The following TACR3 variants were observed in gnomAD, a reference collection of about 807,000 sequenced individuals.
TACR3 encodes tachykinin receptor 3, also known as neuromedin-K receptor.
Under a neutral mutation model 35.0 loss-of-function variants are expected in TACR3, and 34 were observed. That is an observed-to-expected ratio of 0.97 (90% confidence interval 0.74 to 1.30). The LOEUF (loss-of-function observed/expected upper bound fraction) is 1.30, where lower values mean the gene tolerates loss of function less well. TACR3 is among the 50% of genes most tolerant of loss of function. The probability of loss-of-function intolerance (pLI) is 0.00; values close to 1 mark genes in which losing one functional copy is unlikely to be tolerated. For missense variants in TACR3, 558 were observed against 591.7 expected, an observed-to-expected ratio of 0.94 and a Z score of 0.59; for synonymous variants, 233 against 221.1, an observed-to-expected ratio of 1.05 and a Z score of -0.48.
At chr4:103,615,395 G>GTA (rs1724626868) in intron 3 of TACR3, among the ~76,000 whole-genome samples, 1 of 97,288 alleles carries the variant, frequency 1.0e-5, no homozygotes, top group Non-Finnish European at 2.2e-5. Context: ...GTGTGTGTGT[G>GTA]TGTGAGAGAG....
At chr4:103,648,137 G>A (rs1215128336) in intron 3 of TACR3, among the ~76,000 whole-genome samples, 1 of 151,862 alleles carries the variant, frequency 6.6e-6, no homozygotes, top group Admixed American at 6.6e-5. Context: ...GTAATTGGGA[G>A]TTCAATCAGC....
intron 3 of TACR3, among the ~76,000 whole-genome samples, chr4:103,623,557 T>C (rs929538652): frequency 2.0e-5 from 3 of 152,170 alleles, no homozygotes; most frequent in Admixed American, 6.5e-5. Context: ...TTTTAGGTTA[T>C]GAGACTTAAG....
At chr4:103,639,643 A>G (rs1423673598) in intron 3 of TACR3, among the ~76,000 whole-genome samples, 1 of 152,036 alleles carries the variant, frequency 6.6e-6, no homozygotes, top group Admixed American at 6.6e-5. Flanking sequence ...AAAAATGTAA[A>G]GAAATACTTT....
intron 1 of TACR3, among the ~76,000 whole-genome samples, chr4:103,712,365 A>C (rs1255170195): frequency 3.3e-5 from 5 of 152,314 alleles, no homozygotes; most frequent in South Asian, 2.1e-4. Context: ...CAAAAACAAG[A>C]AATGGGGAAA....
intron 3 of TACR3, among the ~76,000 whole-genome samples, chr4:103,595,745 AATT>A (rs1723992463): frequency 6.6e-6 from 1 of 151,674 alleles, no homozygotes; most frequent in East Asian, 1.9e-4. Context: ...ATTATCTTCT[AATT>A]ATTTTATTTT....
At chr4:103,712,790 C>T (rs1031852196) in intron 1 of TACR3, among the ~76,000 whole-genome samples, 1 of 152,138 alleles carries the variant, frequency 6.6e-6, no homozygotes, top group African/African-American at 2.4e-5. Flanking sequence ...AAAAAACAAA[C>T]AGCCCCATCA....
chr4:103,660,949 A>C (rs1725828660), intron 1 of TACR3, among the ~76,000 whole-genome samples: 2 of 152,046 alleles, frequency 1.3e-5, no homozygotes, highest in Non-Finnish European at 2.9e-5. Flanking sequence ...CAACCACAGA[A>C]TAATACTATT....
intron 3 of TACR3, among the ~76,000 whole-genome samples, chr4:103,652,403 C>G (rs922003807): frequency 6.6e-6 from 1 of 152,060 alleles, no homozygotes; most frequent in African/African-American, 2.4e-5. Context: ...CCTTTCTCTC[C>G]CAAGGGCAAA....
chr4:103,601,225 T>C (rs912801404), intron 3 of TACR3, among the ~76,000 whole-genome samples: 1 of 151,658 alleles, frequency 6.6e-6, no homozygotes, highest in African/African-American at 2.4e-5. Flanking sequence ...CCTTTTTTTG[T>C]TTTCCATTTG....
chr4:103,671,133 C>T (rs1300910829), intron 1 of TACR3, among the ~76,000 whole-genome samples: 9 of 151,822 alleles, frequency 5.9e-5, no homozygotes, highest in African/African-American at 1.9e-4. Context: ...ATGTGAATCT[C>T]ACCTGATCAT....
chr4:103,616,575 T>C lies in TACR3; in HGVS notation c.889-24892A>G, dbSNP rs180800900. ...TTTTCCCAGGTGTATGCTTAAATGCTATGCCTAAAATTAAAAGATTAAAAG... is the reference window on the plus strand; with the variant it reads ...TTTTCCCAGGTGTATGCTTAAATGCCATGCCTAAAATTAAAAGATTAAAAG... On this transcript the variant is annotated intron_variant, in intron 3 of 4. Transcript: ENST00000304883. Among the ~76,000 whole-genome samples the C allele has an allele frequency of 8.4e-4, 124 of 148,410 alleles. 1 individual carries two copies. Among genetic ancestry groups the C allele is most frequent in the Non-Finnish European group, 1.4e-3 (92 of 67,206 alleles).
intron 3 of TACR3, among the ~76,000 whole-genome samples, chr4:103,602,949 A>C (rs183573730): frequency 1.6e-4 from 24 of 152,352 alleles, no homozygotes; most frequent in African/African-American, 5.5e-4. Context: ...TGCAGAGGTT[A>C]CTGCTGTCTT....
At chr4:103,629,514 A>G (rs1434297244) in intron 3 of TACR3, among the ~76,000 whole-genome samples, 3 of 152,210 alleles carry the variant, frequency 2.0e-5, no homozygotes, top group African/African-American at 7.2e-5. Flanking sequence ...ACAGAGATCC[A>G]AATCATGAGT....
intron 1 of TACR3, among the ~76,000 whole-genome samples, chr4:103,662,623 A>G (rs1725856186): frequency 6.6e-6 from 1 of 152,198 alleles, no homozygotes; most frequent in African/African-American, 2.4e-5. Flanking sequence ...TTCTTTACAT[A>G]GGTAATTGGG....
At chr4:103,643,884 G>A (rs1350289893) in intron 3 of TACR3, among the ~76,000 whole-genome samples, 1 of 151,696 alleles carries the variant, frequency 6.6e-6, no homozygotes, top group Non-Finnish European at 1.5e-5. Flanking sequence ...TGCAGAATGA[G>A]TAGTATTAAC....
intron 3 of TACR3, among the ~76,000 whole-genome samples, chr4:103,592,790 T>G (rs535902349): frequency 6.6e-6 from 1 of 152,234 alleles, no homozygotes; most frequent in African/African-American, 2.4e-5. Flanking sequence ...GACTGCAAAT[T>G]AGGGATTCAG....
intron 2 of TACR3, among the ~76,000 whole-genome samples, chr4:103,657,327 C>A (rs1425171924): frequency 2.0e-5 from 3 of 151,816 alleles, no homozygotes; most frequent in Non-Finnish European, 4.4e-5. Flanking sequence ...GGAAATAATT[C>A]AGTCAACAAA....
At chr4:103,596,672 G>T (rs974669300) in intron 3 of TACR3, among the ~76,000 whole-genome samples, 10 of 151,632 alleles carry the variant, frequency 6.6e-5, no homozygotes, top group African/African-American at 1.9e-4. Flanking sequence ...GTTACATATG[G>T]ATACATGTCC....
intron 3 of TACR3, among the ~76,000 whole-genome samples, chr4:103,616,767 T>C (rs548249484): frequency 1.3e-4 from 20 of 152,104 alleles, no homozygotes; most frequent in African/African-American, 4.1e-4. Flanking sequence ...AGCAACATAG[T>C]ACAACCCTGT....
Sources: allele counts gnomAD v4.1 joint callset (sites outside exome capture counted in the v4.1 genomes callset), GRCh38; gene constraint gnomAD v4.1.1; transcripts MANE v1.5; gene names NCBI Gene and HGNC (gene_info 2026-07-23, HGNC 2026-07-21).